The following CDH12 variants were observed in gnomAD, a reference collection of about 807,000 sequenced individuals.
The protein encoded by CDH12 is cadherin-12.
Under a neutral mutation model 74.1 loss-of-function variants are expected in CDH12, and 41 were observed. The observed-to-expected ratio is 0.55, with a 90% CI of 0.43 to 0.72. The LOEUF (loss-of-function observed/expected upper bound fraction) is 0.72. Ranked by LOEUF, CDH12 falls within the 30% of genes least tolerant of loss-of-function variation. The pLI is 0.00. For missense variants in CDH12, 945 were observed against 977.2 expected, an observed-to-expected ratio of 0.97 and a Z score of 0.44; for synonymous variants, 399 against 355.0, an observed-to-expected ratio of 1.12 and a Z score of -1.39.
intron 2 of CDH12, among the ~76,000 whole-genome samples, chr5:22,483,570 C>G (rs931376229): frequency 2.7e-5 from 4 of 149,684 alleles, no homozygotes; most frequent in African/African-American, 9.9e-5. Flanking sequence ...AGGAGGTAGG[C>G]GAGTAGAGCT....
At chr5:22,229,142 T>C (rs1280928871) in intron 3 of CDH12, among the ~76,000 whole-genome samples, 1 of 151,064 alleles carries the variant, frequency 6.6e-6, no homozygotes, top group African/African-American at 2.5e-5. Context: ...TTTTTCTTTT[T>C]TTTTTTTTAG....
intron 1 of CDH12, among the ~76,000 whole-genome samples, chr5:22,529,765 T>TAA (rs1206509124): frequency 2.0e-5 from 3 of 152,170 alleles, no homozygotes; most frequent in Non-Finnish European, 4.4e-5. Flanking sequence ...ATTGGCTATC[T>TAA]TTTTATCTGA....
chr5:22,234,004 G>A (rs1752478288), intron 3 of CDH12, among the ~76,000 whole-genome samples: 1 of 152,014 alleles, frequency 6.6e-6, no homozygotes, highest in South Asian at 2.1e-4. Context: ...GGGCTTATGT[G>A]TACATTTTCA....
intron 1 of CDH12, among the ~76,000 whole-genome samples, chr5:22,682,711 G>A (rs972544998): frequency 1.7e-5 from 2 of 116,646 alleles, no homozygotes; most frequent in South Asian, 2.8e-4. Flanking sequence ...TATTAATTTT[G>A]AAGAAAAAGT....
At chr5:22,176,344 C>A (rs1749337506) in intron 4 of CDH12, among the ~76,000 whole-genome samples, 1 of 151,928 alleles carries the variant, frequency 6.6e-6, no homozygotes, top group Non-Finnish European at 1.5e-5. Context: ...TTTAACTGAT[C>A]AATATATAGT....
chr5:22,746,588 C>T (rs1383182901), intron 1 of CDH12, among the ~76,000 whole-genome samples: 1 of 152,010 alleles, frequency 6.6e-6, no homozygotes, highest in Non-Finnish European at 1.5e-5. Context: ...GTATTTCTGA[C>T]AGTACGTTTA....
chr5:22,707,876 C>G (rs1174173757), intron 1 of CDH12, among the ~76,000 whole-genome samples: 1 of 152,030 alleles, frequency 6.6e-6, no homozygotes, highest in African/African-American at 2.4e-5. Flanking sequence ...GTATGGCAGG[C>G]ACTAAACTAG....
At chr5:22,475,123 G>A (rs946151267) in intron 2 of CDH12, among the ~76,000 whole-genome samples, 4 of 150,728 alleles carry the variant, frequency 2.7e-5, no homozygotes, top group Non-Finnish European at 4.4e-5. Flanking sequence ...GGTGGAACCA[G>A]GGAACATTCT....
chr5:22,551,779 C>A (rs1273555378), intron 1 of CDH12, among the ~76,000 whole-genome samples: 2 of 145,554 alleles, frequency 1.4e-5, no homozygotes, highest in African/African-American at 2.5e-5. Context: ...AACAGCTGTG[C>A]AAAAGAGATC....
Position 21,854,657 on chromosome 5 carries a change from A to T in CDH12, c.646+14T>A. On this transcript the variant is annotated intron_variant, in intron 7 of 14. Coordinates refer to ENST00000382254, the MANE Select transcript of CDH12 (RefSeq NM_004061.5). ...AAGGGCTGGTGATAATGTTGCCTCT[A>T]ATAAAAAATTTACCTGTCTTGGGAT... is the stretch of plus-strand genomic sequence containing the variant. The T allele has an allele frequency of 6.3e-7, 1 of 1,588,704 alleles. No individual in the cohort carries two copies. Among genetic ancestry groups the T allele is most frequent in the Non-Finnish European group, 8.6e-7 (1 of 1,167,744 alleles).
chr5:22,051,636 T>C (rs756993786), intron 5 of CDH12, among the ~76,000 whole-genome samples: 6 of 152,276 alleles, frequency 3.9e-5, no homozygotes, highest in African/African-American at 1.2e-4. Context: ...TGTGACAATA[T>C]ATAAATTACT....
intron 1 of CDH12, among the ~76,000 whole-genome samples, chr5:22,842,799 CA>C (rs1345837224): frequency 6.6e-6 from 1 of 151,926 alleles, no homozygotes; most frequent in Non-Finnish European, 1.5e-5. Context: ...GATTAGTCAT[CA>C]AAAAACAATC....
At chr5:22,602,161 AGCTT>A (rs1226732266) in intron 1 of CDH12, among the ~76,000 whole-genome samples, 2 of 152,094 alleles carry the variant, frequency 1.3e-5, no homozygotes, top group Non-Finnish European at 2.9e-5. Context: ...AAAAGAGAAA[AGCTT>A]GTGAAATTCT....
intron 1 of CDH12, among the ~76,000 whole-genome samples, chr5:22,550,600 T>C (rs114252490): frequency 3.9e-4 from 59 of 152,348 alleles, no homozygotes; most frequent in African/African-American, 1.4e-3. Flanking sequence ...ATAGCTTTAC[T>C]ACTACACCTT....
intron 2 of CDH12, among the ~76,000 whole-genome samples, chr5:22,470,298 A>T (rs1394456912): frequency 6.6e-6 from 1 of 152,070 alleles, no homozygotes; most frequent in Non-Finnish European, 1.5e-5. Flanking sequence ...TTAGGAAGCC[A>T]TTTTCTTATA....
At chr5:21,880,619 CTT>C (rs1194230587) in intron 6 of CDH12, among the ~76,000 whole-genome samples, 1 of 50,554 alleles carries the variant, frequency 2.0e-5, no homozygotes, top group African/African-American at 8.4e-5. Flanking sequence ...TTCCTTCCTT[CTT>C]TCTTTCTTTC....
chr5:21,912,185 A>G (rs917205196), intron 6 of CDH12, among the ~76,000 whole-genome samples: 2 of 152,180 alleles, frequency 1.3e-5, no homozygotes, highest in Non-Finnish European at 1.5e-5. Flanking sequence ...CAGTTTTGAC[A>G]CTTTTGATCT....
chr5:22,690,656 T>C lies in CDH12; in HGVS notation c.-523+162402A>G, dbSNP rs111231878. 7.5e-3 allele frequency among the ~76,000 whole-genome samples: 1,142 copies of C among 152,212 alleles called. 17 individuals are homozygous for C. Among genetic ancestry groups the C allele is most frequent in the African/African-American group, 0.026 (1,098 of 41,552 alleles). On this transcript the variant is annotated intron_variant, in intron 1 of 14. Transcript: ENST00000382254. The stretch of plus-strand genomic sequence containing the variant: ...TACAATGATAGACATTCTGATAACC[T>C]TTTTGTAAGTTCAGGAAAATCCCTT...
In CDH12 at chr5:22,342,472, G is replaced by GT. The variant is rs1739895749; in HGVS notation, c.-333+62784_-333+62785insA. On this transcript the variant is annotated intron_variant, in intron 3 of 14. Transcript: ENST00000382254. ...AAGTCTATTACCATTTGTACTTACT[G>GT]AGAATTTATAAAATGTCTATGTCCC... 6.6e-5 allele frequency among the ~76,000 whole-genome samples: 10 copies of GT among 152,044 alleles called. No individual in the cohort carries two copies. The South Asian group carries it at 2.1e-3, about 32-fold the overall frequency.
Sources: gnomAD v4.1 joint callset for allele counts (sites outside exome capture counted in the v4.1 genomes callset) on GRCh38, gnomAD v4.1.1 for gene constraint, MANE v1.5 for transcripts, NCBI Gene and HGNC (gene_info 2026-07-23, HGNC 2026-07-21) for gene names.